Variants in KYNU observed in about 807,000 individuals in gnomAD.
KYNU encodes kynureninase.
Under a neutral mutation model 59.2 loss-of-function variants are expected in KYNU, and 54 were observed. That is an observed-to-expected ratio of 0.91 (90% CI 0.73 to 1.14). The LOEUF is 1.14. Ranked by LOEUF, KYNU falls within the 50% of genes most tolerant of loss-of-function variation. The probability of loss-of-function intolerance (pLI) is 0.00; values close to 1 mark genes in which losing one functional copy is unlikely to be tolerated. For synonymous variants in KYNU, 177 were observed against 192.0 expected (o/e 0.92, Z 0.65); for missense variants, 567 against 554.4 (o/e 1.02, Z -0.23).
chr2:143,042,253 G>A lies in KYNU; in HGVS notation c.*81G>A, dbSNP rs1687078039. 3.0e-6 allele frequency: 4 copies of A among 1,337,518 alleles called. No individual in the cohort carries two copies. The East Asian group carries it at 9.3e-5, about 31-fold the overall frequency. The allele number at this position is 1,337,518 out of a possible 1,614,324, so 82.9% of individuals were successfully genotyped here. A position where few individuals can be genotyped will look rare whatever the true frequency, so the allele number is the denominator to read the frequency against. ...CAGTATTATTCGATTTTTAATTATT[G>A]AAAGTATGTCACCATTGACCACATG... is the stretch of plus-strand genomic sequence containing the variant. On this transcript the variant is annotated 3_prime_UTR_variant, in exon 14 of 14. Transcript: ENST00000264170.
intron 4 of KYNU, among the ~76,000 whole-genome samples, chr2:142,945,682 A>G (rs565110042): frequency 3.3e-5 from 5 of 152,272 alleles, no homozygotes; most frequent in Admixed American, 6.5e-5. Flanking sequence ...GCAGAGATCC[A>G]TCAGAGGGAT....
intron 8 of KYNU, among the ~76,000 whole-genome samples, chr2:142,974,185 GA>G (rs1413060832): frequency 6.6e-6 from 1 of 152,182 alleles, no homozygotes; most frequent in Non-Finnish European, 1.5e-5. Context: ...CGGAATCACA[GA>G]AACTGTGGTC....
At chr2:142,889,516 G>A (rs1305809080) in intron 2 of KYNU, among the ~76,000 whole-genome samples, 1 of 151,802 alleles carries the variant, frequency 6.6e-6, no homozygotes, top group Non-Finnish European at 1.5e-5. Context: ...CAGGACACAG[G>A]GCAGGGGATT....
At chr2:142,982,420 A>G (rs1573867974) in intron 8 of KYNU, among the ~76,000 whole-genome samples, 1 of 152,248 alleles carries the variant, frequency 6.6e-6, no homozygotes, top group East Asian at 1.9e-4. Context: ...CAGCAAATAA[A>G]TTAGAAACTT....
chr2:142,925,602 T>C (rs1397960909), intron 3 of KYNU, among the ~76,000 whole-genome samples: 2 of 152,190 alleles, frequency 1.3e-5, no homozygotes, highest in Non-Finnish European at 2.9e-5. Context: ...TGAAGCCCTA[T>C]AGCTTCCAAT....
chr2:142,929,026 C>CA (rs1327485208), intron 4 of KYNU, among the ~76,000 whole-genome samples: 2 of 120,190 alleles, frequency 1.7e-5, no homozygotes. Flanking sequence ...AAAAAAAAAA[C>CA]AAAAAACGAA....
At chr2:142,977,294 C>T (rs1684916852) in intron 8 of KYNU, among the ~76,000 whole-genome samples, 1 of 147,966 alleles carries the variant, frequency 6.8e-6, no homozygotes, top group Non-Finnish European at 1.5e-5. Context: ...GTTTCTGTTC[C>T]TGTTTGGTGC....
At chr2:142,929,672 G>A (rs936777245) in intron 4 of KYNU, among the ~76,000 whole-genome samples, 1 of 152,134 alleles carries the variant, frequency 6.6e-6, no homozygotes, top group Non-Finnish European at 1.5e-5. Context: ...GGTGGGAAGT[G>A]TAGTAGTTTA....
At chr2:142,985,511 A>G (rs1281275132) in intron 9 of KYNU, among the ~76,000 whole-genome samples, 1 of 151,926 alleles carries the variant, frequency 6.6e-6, no homozygotes, top group Non-Finnish European at 1.5e-5. Context: ...ATTTCTGCAT[A>G]TATAAAGATA....
intron 2 of KYNU, among the ~76,000 whole-genome samples, chr2:142,910,900 G>A (rs572589992): frequency 6.6e-6 from 1 of 152,136 alleles, no homozygotes; most frequent in East Asian, 1.9e-4. Flanking sequence ...GCTTTATTCT[G>A]GGTTCTCTAA....
At chr2:143,006,461 T>A (rs9751704) in intron 10 of KYNU, among the ~76,000 whole-genome samples, 1 of 142,354 alleles carries the variant, frequency 7.0e-6, no homozygotes, top group Admixed American at 7.0e-5. Flanking sequence ...AACTGCAAGG[T>A]GGCAGCGAGG....
At chr2:142,917,875 ATAT>A (rs2104989619) in intron 2 of KYNU, among the ~76,000 whole-genome samples, 2 of 152,330 alleles carry the variant, frequency 1.3e-5, no homozygotes, top group East Asian at 3.9e-4. Flanking sequence ...TTCCAGTGAA[ATAT>A]AAACAAGAAG....
chr2:142,905,947 CTG>C (rs1481641614), intron 2 of KYNU, among the ~76,000 whole-genome samples: 1 of 152,126 alleles, frequency 6.6e-6, no homozygotes, highest in Non-Finnish European at 1.5e-5. Flanking sequence ...ATAGGGCACA[CTG>C]TTTTTCTTTA....
At chr2:142,904,412 G>A (rs960319790) in intron 2 of KYNU, among the ~76,000 whole-genome samples, 7 of 152,256 alleles carry the variant, frequency 4.6e-5, no homozygotes, top group Non-Finnish European at 8.8e-5. Context: ...TTCCTCTGTT[G>A]TCATCCTATC....
rs1686221455 is a variant in KYNU at position 143,015,496 on chromosome 2, A to G, written c.903-14131A>G. ...AACTGAAAATAGGATCAGTACTTAAATGCTGGATATAATATATTATCAGGT... is the reference window on the plus strand; with the variant it reads ...AACTGAAAATAGGATCAGTACTTAAGTGCTGGATATAATATATTATCAGGT... On this transcript the variant is annotated intron_variant, in intron 10 of 13. Transcript: ENST00000264170. Among the ~76,000 whole-genome samples the G allele has an allele frequency of 2.0e-5, 3 of 152,146 alleles. No homozygotes were observed. In the South Asian group the frequency reaches 6.2e-4, roughly 31 times the overall value.
At chr2:142,988,303 C>T (rs1372714180) in intron 10 of KYNU, among the ~76,000 whole-genome samples, 1 of 151,878 alleles carries the variant, frequency 6.6e-6, no homozygotes, top group African/African-American at 2.4e-5. Context: ...AGACTTTGCC[C>T]AGTGGAGATC....
chr2:142,923,811 C>T (rs1438838149), intron 3 of KYNU, among the ~76,000 whole-genome samples: 1 of 152,184 alleles, frequency 6.6e-6, no homozygotes. Flanking sequence ...AGGGATTCTT[C>T]TAAGAACTGT....
rs553385669 is a variant in KYNU at position 142,913,425 on chromosome 2, G to T, written c.170-5184G>T. On this transcript the variant is annotated intron_variant, in intron 2 of 13. Coordinates refer to ENST00000264170, the MANE Select transcript of KYNU (RefSeq NM_003937.3). ...TTTCATTTATTTCAAATTTTTTTTTGATATCTGCCTTAATTTTATTGTTTA... is the reference window on the plus strand; with the variant it reads ...TTTCATTTATTTCAAATTTTTTTTTTATATCTGCCTTAATTTTATTGTTTA... Among the ~76,000 whole-genome samples the T allele has an allele frequency of 9.0e-4, 136 of 151,866 alleles. 2 individuals are homozygous for T. The highest frequency in any genetic ancestry group is 1.4e-3 in the Admixed American group (22 of 15,256).
intron 4 of KYNU, chr2:142,947,376 T>A (rs1375308350): frequency 1.3e-6 from 1 of 748,776 alleles, no homozygotes; most frequent in Admixed American, 3.0e-5. Context: ...ACTGTGTCTT[T>A]TTAAAAAATA....
Sources: allele counts gnomAD v4.1 joint callset (sites outside exome capture counted in the v4.1 genomes callset), GRCh38; gene constraint gnomAD v4.1.1; transcripts MANE v1.5; gene names NCBI Gene and HGNC (gene_info 2026-07-23, HGNC 2026-07-21).